The following NRCAM variants were observed in gnomAD, a reference collection of about 807,000 sequenced individuals.
The protein encoded by NRCAM is NgCAM-related cell adhesion molecule.
In NRCAM, 83 loss-of-function variants were observed where a neutral mutation model predicts 156.5. That is an observed-to-expected ratio of 0.53 (90% CI 0.44 to 0.64). NRCAM has a LOEUF of 0.64. Among genes scored for constraint, NRCAM ranks in the 30% least tolerant of loss-of-function variants. The pLI is 0.00. For synonymous variants in NRCAM, 538 were observed against 563.9 expected, an observed-to-expected ratio of 0.95 and a Z score of 0.65; for missense variants, 1,417 against 1,597.3, an observed-to-expected ratio of 0.89 and a Z score of 1.92.
At chr7:108,451,398 A>C (rs917462668) in intron 1 of NRCAM, among the ~76,000 whole-genome samples, 1 of 147,158 alleles carries the variant, frequency 6.8e-6, no homozygotes, top group Non-Finnish European at 1.5e-5. Context: ...GGAAAAGAGT[A>C]TAACGATGTC....
intron 1 of NRCAM, among the ~76,000 whole-genome samples, chr7:108,429,516 A>G (rs534610524): frequency 6.6e-6 from 1 of 152,042 alleles, no homozygotes; most frequent in Non-Finnish European, 1.5e-5. Context: ...AAAAATACAC[A>G]CTCCCCACAC....
chr7:108,217,090 T>C (rs888302473), intron 11 of NRCAM, among the ~76,000 whole-genome samples: 58 of 152,304 alleles, frequency 3.8e-4, no homozygotes, highest in Non-Finnish European at 6.8e-4. Flanking sequence ...GACCCCTTCA[T>C]ATGGGTTTTT....
intron 31 of NRCAM, among the ~76,000 whole-genome samples, chr7:108,160,057 C>A (rs1460030913): frequency 6.6e-6 from 1 of 152,178 alleles, no homozygotes; most frequent in Non-Finnish European, 1.5e-5. Flanking sequence ...CCCTGCAACT[C>A]TCTCCTTGCC....
intron 2 of NRCAM, among the ~76,000 whole-genome samples, chr7:108,349,345 T>A (rs2099394574): frequency 6.6e-6 from 1 of 151,982 alleles, no homozygotes; most frequent in Non-Finnish European, 1.5e-5. Context: ...CCCGGCTCAC[T>A]GCAAGCTCCT....
rs1212770874 is a variant in NRCAM, at chr7:108,198,084, G to T, written c.1223C>A (p.Pro408His). The T allele has an allele frequency of 1.9e-6, 3 of 1,601,290 alleles. No individual in the cohort carries two copies. The highest frequency in any genetic ancestry group is 1.7e-6 in the Non-Finnish European group (2 of 1,175,790). ...GGTATCGCCATCTATTTTTCTGCTG[G>T]GGTCATCAGGGGCAACTGTTTGGAT... ...GVPIEIAPDDPSRKIDGDTII... is the reference protein window; with the variant it reads ...GVPIEIAPDDHSRKIDGDTII... The change falls in exon 14 of 33, where the codon CCC becomes CAC. Residue 408 changes from proline to histidine, a missense_variant. By Grantham distance (77) the Pro-to-His change is moderately conservative. This residue lies in a region of NRCAM where 1,238 missense variants were observed against 1,336.4 expected (regional missense o/e 0.93). Coordinates refer to ENST00000379028, the MANE Select transcript of NRCAM (RefSeq NM_001037132.4).
At chr7:108,381,585 G>GT (rs1326998533) in intron 2 of NRCAM, among the ~76,000 whole-genome samples, 16 of 139,274 alleles carry the variant, frequency 1.1e-4, no homozygotes, top group African/African-American at 4.3e-4. Context: ...TTGAGACAGA[G>GT]TTTCACTCTT....
intron 27 of NRCAM, among the ~76,000 whole-genome samples, chr7:108,175,699 T>C (rs749475635): frequency 6.6e-5 from 10 of 152,180 alleles, no homozygotes; most frequent in East Asian, 1.9e-4. Context: ...CTATCAAAGA[T>C]AGTCAAATGA....
chr7:108,313,043 G>A (rs1287386461), intron 2 of NRCAM, among the ~76,000 whole-genome samples: 2 of 152,146 alleles, frequency 1.3e-5, no homozygotes, highest in Non-Finnish European at 2.9e-5. Context: ...TCTATACAGT[G>A]TGGATAAAAT....
intron 1 of NRCAM, among the ~76,000 whole-genome samples, chr7:108,427,075 G>A (rs554055037): frequency 3.9e-5 from 6 of 152,086 alleles, no homozygotes; most frequent in African/African-American, 1.2e-4. Flanking sequence ...ACTGTTTCAC[G>A]AACATGCCTT....
rs778313050 is a variant in NRCAM at position 108,348,978 on chromosome 7, G to C, written c.-173-36247C>G. Among the ~76,000 whole-genome samples the C allele has an allele frequency of 8.2e-4, 125 of 151,986 alleles. 1 individual carries two copies. The highest frequency in any genetic ancestry group is 3.8e-4 in the Non-Finnish European group (26 of 68,002). On this transcript the variant is annotated intron_variant, in intron 2 of 32. Transcript: ENST00000379028. The stretch of plus-strand genomic sequence containing the variant: ...ATGTATGAGCTATCAGGATGGGGGG[G>C]AATGTATTGGCAAGACAGGATTTAG...
intron 32 of NRCAM, among the ~76,000 whole-genome samples, chr7:108,155,798 T>A (rs1369109130): frequency 6.6e-6 from 1 of 152,256 alleles, no homozygotes; most frequent in African/African-American, 2.4e-5. Context: ...AGAAAATTTT[T>A]TTAAAAATTC....
chr7:108,424,691 A>G (rs1208839252), intron 1 of NRCAM, among the ~76,000 whole-genome samples: 1 of 152,208 alleles, frequency 6.6e-6, no homozygotes, highest in Non-Finnish European at 1.5e-5. Context: ...ATTGAATAAT[A>G]TATTCTATCA....
intron 1 of NRCAM, among the ~76,000 whole-genome samples, chr7:108,414,693 A>G (rs559091810): frequency 3.4e-4 from 51 of 152,238 alleles, no homozygotes; most frequent in Non-Finnish European, 6.3e-4. Context: ...GGCCCAGAAT[A>G]AAACAAAAAG....
At chr7:108,239,093 C>G (rs17155304) in intron 4 of NRCAM, among the ~76,000 whole-genome samples, 1 of 152,006 alleles carries the variant, frequency 6.6e-6, no homozygotes. Flanking sequence ...AAGGAGAAAT[C>G]GATTCTGAAG....
At chr7:108,283,126 AAGTC>A (rs1212775165) in intron 3 of NRCAM, among the ~76,000 whole-genome samples, 2 of 152,248 alleles carry the variant, frequency 1.3e-5, no homozygotes, top group Non-Finnish European at 2.9e-5. Context: ...TGTTGTGAGA[AAGTC>A]AGCTATACTG....
intron 3 of NRCAM, among the ~76,000 whole-genome samples, chr7:108,311,858 C>A (rs1340604860): frequency 6.6e-6 from 1 of 152,108 alleles, no homozygotes; most frequent in African/African-American, 2.4e-5. Flanking sequence ...TAACTAAAAT[C>A]CATGAGTTTA....
chr7:108,383,530 C>T (rs1027061227), intron 2 of NRCAM, among the ~76,000 whole-genome samples: 11 of 152,188 alleles, frequency 7.2e-5, no homozygotes, highest in Admixed American at 1.3e-4. Flanking sequence ...CTAATGAACA[C>T]AACCCCTGCA....
In NRCAM at chr7:108,340,558, C is replaced by T. The variant is rs776201869; in HGVS notation, c.-173-27827G>A. Among the ~76,000 whole-genome samples, 4 of 152,292 alleles carry T rather than the reference C, an allele frequency of 2.6e-5. No individual in the cohort carries two copies. The East Asian group carries it at 5.8e-4, about 22-fold the overall frequency. ...CAGGATGACAACAGAGGAAAGAGAACGATTGCCCACAGGCCAGCAGGAAGT... is the reference window on the plus strand; with the variant it reads ...CAGGATGACAACAGAGGAAAGAGAATGATTGCCCACAGGCCAGCAGGAAGT... On this transcript the variant is annotated intron_variant, in intron 2 of 32. Transcript: ENST00000379028.
In NRCAM at chr7:108,252,488, G is replaced by A. The variant is rs2096407395; in HGVS notation, c.-106-12318C>T. Among the ~76,000 whole-genome samples the A allele has an allele frequency of 2.0e-5, 3 of 152,118 alleles. No individual in the cohort carries two copies. The South Asian group carries it at 6.2e-4, about 32-fold the overall frequency. On this transcript the variant is annotated intron_variant, in intron 3 of 32. Transcript: ENST00000379028. ...AGAAAACAGTTTTTATTTTTTGAAAGATCTGAATGTATTCTATTCTATTCA... is the reference window on the plus strand; with the variant it reads ...AGAAAACAGTTTTTATTTTTTGAAAAATCTGAATGTATTCTATTCTATTCA...
Sources: allele counts gnomAD v4.1 joint callset (sites outside exome capture counted in the v4.1 genomes callset), GRCh38; gene constraint gnomAD v4.1.1; regional missense constraint gnomAD v4.1.1; transcripts MANE v1.5; gene names NCBI Gene and HGNC (gene_info 2026-07-23, HGNC 2026-07-21).